Variants in ARMC8 observed in about 807,000 individuals in gnomAD.
The protein encoded by ARMC8 is armadillo repeat-containing protein 8.
Under a neutral mutation model 99.3 loss-of-function variants are expected in ARMC8, and 20 were observed. That is an observed-to-expected ratio of 0.20 (90% CI 0.14 to 0.29). ARMC8 has a LOEUF of 0.29. Among genes scored for constraint, ARMC8 ranks in the 10% least tolerant of loss-of-function variants. ARMC8 has a pLI of 1.00. For missense variants in ARMC8, 569 were observed against 809.5 expected (o/e 0.70, Z 3.60); for synonymous variants, 263 against 278.3 (o/e 0.95, Z 0.55).
intron 1 of ARMC8, among the ~76,000 whole-genome samples, chr3:138,204,522 G>T (rs887347584): frequency 1.3e-5 from 2 of 151,954 alleles, no homozygotes; most frequent in African/African-American, 4.8e-5. Context: ...TTCTTTCAAG[G>T]TTCTTGTTCT....
In ARMC8 at chr3:138,235,215, A is replaced by C. The variant is rs939296925; in HGVS notation, c.609+101A>C. 6 of 849,938 alleles carry C rather than the reference A, an allele frequency of 7.1e-6. No individual in the cohort carries two copies. In the African/African-American group the frequency reaches 8.6e-5, roughly 12 times the overall value. 52.6% of individuals were successfully genotyped at this position (849,938 alleles called of 1,614,324 possible). The stretch of plus-strand genomic sequence containing the variant: ...TGTTTCTTTGATAATTGTGATCAAA[A>C]GTAGTATTTTATCAGTAAAATGTTA... On this transcript the variant is annotated intron_variant, in intron 7 of 21. Transcript: ENST00000469044.
chr3:138,250,882 C>T (rs1365148345), intron 12 of ARMC8, among the ~76,000 whole-genome samples: 1 of 152,140 alleles, frequency 6.6e-6, no homozygotes, highest in East Asian at 1.9e-4. Flanking sequence ...CATGGTGGCT[C>T]ACGCCTGTAA....
At chr3:138,235,505 C>T (rs1364614570) in intron 7 of ARMC8, among the ~76,000 whole-genome samples, 1 of 152,196 alleles carries the variant, frequency 6.6e-6, no homozygotes, top group Non-Finnish European at 1.5e-5. Context: ...GCATATACAT[C>T]AGCATTTAAA....
intron 1 of ARMC8, among the ~76,000 whole-genome samples, chr3:138,196,017 G>A (rs1053302288): frequency 3.3e-5 from 5 of 152,192 alleles, no homozygotes; most frequent in Non-Finnish European, 5.9e-5. Flanking sequence ...GTCCAATGGG[G>A]AGTTTTCAAC....
At chr3:138,285,355 G>A (rs554449581) in intron 19 of ARMC8, among the ~76,000 whole-genome samples, 6 of 152,222 alleles carry the variant, frequency 3.9e-5, no homozygotes, top group East Asian at 1.9e-4. Flanking sequence ...AATAAAGTTC[G>A]TATGCCTTTA....
At chr3:138,244,434 C>T (rs974990294) in intron 11 of ARMC8, among the ~76,000 whole-genome samples, 33 of 152,186 alleles carry the variant, frequency 2.2e-4, no homozygotes, top group East Asian at 7.7e-4. Context: ...CCTGCCACCA[C>T]GCCCAGCTCA....
chr3:138,293,257 C>T (rs1194785817), intron 21 of ARMC8, among the ~76,000 whole-genome samples: 3 of 152,288 alleles, frequency 2.0e-5, no homozygotes, highest in East Asian at 3.9e-4. Context: ...AGAAGAATAA[C>T]TAGGCTGGGC....
At chr3:138,233,940 A>G (rs1418045224) in intron 6 of ARMC8, among the ~76,000 whole-genome samples, 1 of 152,230 alleles carries the variant, frequency 6.6e-6, no homozygotes, top group Non-Finnish European at 1.5e-5. Flanking sequence ...AAATGAATGA[A>G]TAAGAATTAT....
At chr3:138,253,063 G>T (rs1272512645) in intron 12 of ARMC8, among the ~76,000 whole-genome samples, 5 of 151,938 alleles carry the variant, frequency 3.3e-5, no homozygotes, top group Non-Finnish European at 1.5e-5. Flanking sequence ...CTGTGTATTG[G>T]TTAGCAAGGT....
At chr3:138,263,887 C>A in intron 13 of ARMC8, 66 bp downstream of exon 13, 1 of 1,367,732 alleles carries the variant, frequency 7.3e-7, no homozygotes, top group Non-Finnish European at 1.0e-6. Context: ...CCTTTCTGGT[C>A]CTTCACTGAG....
rs552010049 is a variant in ARMC8, at chr3:138,196,380, A to G, written c.45+8781A>G. Among the ~76,000 whole-genome samples the G allele has an allele frequency of 3.3e-5, 5 of 152,268 alleles. No homozygotes were observed. In the South Asian group the frequency reaches 6.2e-4, roughly 19 times the overall value. ...TTGAGTACCTAAATCTGGGGTCATG[A>G]TCATTATTTTGGCATCATCAGTGTA... On this transcript the variant is annotated intron_variant, in intron 1 of 21. Coordinates refer to ENST00000469044, the MANE Select transcript of ARMC8 (RefSeq NM_001363941.2).
At chr3:138,252,068 A>T (rs961302940) in intron 12 of ARMC8, among the ~76,000 whole-genome samples, 1 of 152,214 alleles carries the variant, frequency 6.6e-6, no homozygotes, top group Non-Finnish European at 1.5e-5. Flanking sequence ...AGAATCAGGG[A>T]TTGTTGCTAT....
chr3:138,187,698 C>G, intron 1 of ARMC8, 99 bp downstream of exon 1: 1 of 1,285,884 alleles, frequency 7.8e-7, no homozygotes, highest in Non-Finnish European at 1.1e-6. Flanking sequence ...GCACCACCCC[C>G]TGGGGTGGAC....
chr3:138,251,191 A>G (rs1274740865), intron 12 of ARMC8, among the ~76,000 whole-genome samples: 1 of 152,140 alleles, frequency 6.6e-6, no homozygotes, highest in Non-Finnish European at 1.5e-5. Context: ...ATTGCTGAGC[A>G]TGCATTCACT....
intron 1 of ARMC8, among the ~76,000 whole-genome samples, chr3:138,205,024 C>G (rs1159734921): frequency 6.7e-6 from 1 of 148,800 alleles, no homozygotes; most frequent in Non-Finnish European, 1.5e-5. Context: ...TTCCTCATCT[C>G]ATTAACTAGC....
chr3:138,292,778 G>A (rs1416603576), intron 21 of ARMC8, among the ~76,000 whole-genome samples: 2 of 152,170 alleles, frequency 1.3e-5, no homozygotes, highest in African/African-American at 4.8e-5. Context: ...GGAGCTGGAT[G>A]AAGTCTCTTA....
chr3:138,229,134 G>GTATATATATATATATA lies in ARMC8; in HGVS notation c.528+158_528+173dup, dbSNP rs71146119. On this transcript the variant is annotated intron_variant, in intron 6 of 21. Transcript: ENST00000469044. ...TATAAGTAGACCTGTGTGTGTGCGT[G>GTATATATATATATATA]TATATATATATATATATATATATAT... The GTATATATATATATATA allele has an allele frequency of 1.5e-4, 12 of 78,592 alleles. 1 individual carries two copies. Among genetic ancestry groups the GTATATATATATATATA allele is most frequent in the African/African-American group, 2.8e-4 (4 of 14,304 alleles). 4.9% of individuals were successfully genotyped at this position (78,592 alleles called of 1,614,324 possible).
intron 1 of ARMC8, chr3:138,188,631 G>T: frequency 6.8e-7 from 1 of 1,464,280 alleles, no homozygotes. Context: ...TACTGAGAGG[G>T]TAGTTGGATT....
At chr3:138,225,739 T>C (rs2045659995) in intron 5 of ARMC8, among the ~76,000 whole-genome samples, 2 of 152,328 alleles carry the variant, frequency 1.3e-5, no homozygotes, top group South Asian at 4.1e-4. Context: ...CAACGAATCA[T>C]ATTGTCAAAT....
Sources: gnomAD v4.1 joint callset for allele counts (sites outside exome capture counted in the v4.1 genomes callset) on GRCh38, gnomAD v4.1.1 for gene constraint, MANE v1.5 for transcripts, NCBI Gene and HGNC (gene_info 2026-07-23, HGNC 2026-07-21) for gene names.